The following MS4A4E variants were observed in gnomAD, a reference collection of about 807,000 sequenced individuals.
MS4A4E encodes putative membrane-spanning 4-domains subfamily A member 4E.
MS4A4E carries 23 observed loss-of-function variants against 13.3 expected under a neutral mutation model. The ratio of observed to expected loss-of-function variants is 1.73; its 90% CI spans 1.25 to 2.45. The LOEUF (loss-of-function observed/expected upper bound fraction) is 2.45, where lower values mean the gene tolerates loss of function less well. MS4A4E is among the 30% of genes most tolerant of loss of function. MS4A4E has a pLI of 0.00. For synonymous variants in MS4A4E, 36 were observed against 45.6 expected (o/e 0.79, Z 0.85); for missense variants, 144 against 131.2 (o/e 1.10, Z -0.48).
intron 1 of MS4A4E, among the ~76,000 whole-genome samples, chr11:60,232,267 C>G (rs917562620): frequency 5.5e-5 from 6 of 109,790 alleles, no homozygotes; most frequent in African/African-American, 1.9e-4. Flanking sequence ...TTAGAAGTTA[C>G]TAACCTCATC....
rs1279038518 is a variant in MS4A4E at position 60,200,441 on chromosome 11, TC to T, written c.*1101del. Reference sequence around the variant, plus strand: ...TCCTAGGCAGAGGACCCTGCGGCCTTCCGAGGTGTTTGTGTCCCTGGGTACT... The same window carrying T: ...TCCTAGGCAGAGGACCCTGCGGCCTTCGAGGTGTTTGTGTCCCTGGGTACT... On this transcript the variant is annotated 3_prime_UTR_variant, in exon 9 of 9. Transcript: ENST00000651255. Among the ~76,000 whole-genome samples, 1 of 152,088 alleles carries T rather than the reference TC, an allele frequency of 6.6e-6. No individual in the cohort carries two copies. The highest frequency in any genetic ancestry group is 1.5e-5 in the Non-Finnish European group (1 of 68,008).
At chr11:60,223,581 C>G (rs1325425002) in intron 3 of MS4A4E, among the ~76,000 whole-genome samples, 1 of 151,984 alleles carries the variant, frequency 6.6e-6, no homozygotes, top group Non-Finnish European at 1.5e-5. Flanking sequence ...GAAGGGGTTG[C>G]CAAGGGAGAT....
chr11:60,226,098 A>G (rs1176019918), intron 3 of MS4A4E, among the ~76,000 whole-genome samples: 2 of 151,832 alleles, frequency 1.3e-5, no homozygotes, highest in South Asian at 2.1e-4. Context: ...AATTCACACA[A>G]GAAGAAATAG....
chr11:60,225,882 G>T (rs2084334799), intron 3 of MS4A4E, among the ~76,000 whole-genome samples: 2 of 150,266 alleles, frequency 1.3e-5, no homozygotes, highest in African/African-American at 2.4e-5. Context: ...TTAAAAAAAA[G>T]AAAAATACAT....
chr11:60,232,050 GA>G (rs1458407028), intron 1 of MS4A4E, among the ~76,000 whole-genome samples: 1 of 151,892 alleles, frequency 6.6e-6, no homozygotes, highest in East Asian at 1.9e-4. Flanking sequence ...AATGTTGACA[GA>G]AAAAATTTTG....
chr11:60,225,174 C>A (rs896718184), intron 3 of MS4A4E: 2 of 1,302,948 alleles, frequency 1.5e-6, no homozygotes, highest in Non-Finnish European at 2.0e-6. Context: ...ACTAAGCTAT[C>A]CTTATTCTTT....
At chr11:60,204,176 T>C (rs971725143) in intron 8 of MS4A4E, among the ~76,000 whole-genome samples, 1 of 152,212 alleles carries the variant, frequency 6.6e-6, no homozygotes, top group African/African-American at 2.4e-5. Flanking sequence ...AATCAGGAGA[T>C]GTAAGGACTT....
intron 2 of MS4A4E, 97 bp downstream of exon 2, chr11:60,229,815 A>G: frequency 1.6e-6 from 2 of 1,260,632 alleles, no homozygotes; most frequent in South Asian, 1.5e-5. Context: ...TGGTTGATGT[A>G]TTATGAGGCT....
At chr11:60,238,692 C>A (rs1352907726) in intron 1 of MS4A4E, among the ~76,000 whole-genome samples, 1 of 152,086 alleles carries the variant, frequency 6.6e-6, no homozygotes, top group African/African-American at 2.4e-5. Flanking sequence ...TTCTTTTCTA[C>A]AAGTTGTTTC....
chr11:60,233,900 C>T (rs1013129889), intron 1 of MS4A4E, among the ~76,000 whole-genome samples: 1 of 152,206 alleles, frequency 6.6e-6, no homozygotes, highest in African/African-American at 2.4e-5. Context: ...GAAGCACGGA[C>T]TGAGTCCAGC....
At position 60,202,535 on chromosome 11, in the gene MS4A4E, A is replaced by C. The variant is rs138439596; in HGVS notation, c.660-656T>G. Among the ~76,000 whole-genome samples, 129 of 152,302 alleles carry C rather than the reference A, an allele frequency of 8.5e-4. 2 individuals are homozygous for C. The East Asian group carries it at 0.02, about 24-fold the overall frequency. On this transcript the variant is annotated intron_variant, in intron 8 of 8. Transcript: ENST00000651255. ...CCTACTATGTTTCTTCTGTCCTAAA[A>C]ATCCTCTCAGATAGCCAACTGAGAG...
chr11:60,210,505 T>A (rs2084107083), intron 5 of MS4A4E, among the ~76,000 whole-genome samples: 1 of 152,236 alleles, frequency 6.6e-6, no homozygotes, highest in Non-Finnish European at 1.5e-5. Flanking sequence ...CTAGGTTAAG[T>A]ATAGTTGATC....
chr11:60,204,322 G>A lies in MS4A4E; in HGVS notation c.659+568C>T, dbSNP rs670139. Among the ~76,000 whole-genome samples the A allele has an allele frequency of 2.8e-4, 42 of 151,994 alleles. No homozygotes were observed. The South Asian group carries it at 5.0e-3, about 18-fold the overall frequency. On this transcript the variant is annotated intron_variant, in intron 8 of 8. Transcript: ENST00000651255. Reference sequence around the variant, plus strand: ...AACGTCAGGGATTGGCCCAACTTGAGGTAAACTTTGACTTGGAGATGCAAA... The same window carrying A: ...AACGTCAGGGATTGGCCCAACTTGAAGTAAACTTTGACTTGGAGATGCAAA...
chr11:60,224,853 C>T, intron 3 of MS4A4E: 1 of 923,514 alleles, frequency 1.1e-6, no homozygotes, highest in Non-Finnish European at 1.5e-6. Flanking sequence ...GGTTAGATAC[C>T]ATTCTCAAAT....
chr11:60,232,934 C>T (rs1318708759), intron 1 of MS4A4E, among the ~76,000 whole-genome samples: 3 of 152,188 alleles, frequency 2.0e-5, no homozygotes, highest in Admixed American at 1.3e-4. Flanking sequence ...TGCACCCTGC[C>T]CCTCCAAACT....
intron 8 of MS4A4E, among the ~76,000 whole-genome samples, chr11:60,203,929 T>C (rs2084011980): frequency 6.6e-6 from 1 of 152,214 alleles, no homozygotes; most frequent in Non-Finnish European, 1.5e-5. Flanking sequence ...TGAGGCAGCC[T>C]TCTCTACAAG....
At chr11:60,217,632 A>G (rs773943508) in intron 3 of MS4A4E, among the ~76,000 whole-genome samples, 1 of 152,218 alleles carries the variant, frequency 6.6e-6, no homozygotes, top group Non-Finnish European at 1.5e-5. Flanking sequence ...ATGGACATTT[A>G]TGAGTTCCCC....
intron 3 of MS4A4E, among the ~76,000 whole-genome samples, chr11:60,214,923 T>C (rs2084171612): frequency 6.6e-6 from 1 of 152,196 alleles, no homozygotes; most frequent in Non-Finnish European, 1.5e-5. Flanking sequence ...GTAATTCTTA[T>C]ATGGTATTAA....
rs2083994243 is a variant in MS4A4E at position 60,201,838 on chromosome 11, C to G, written c.701G>C (p.Trp234Ser). 2 of 218,888 alleles carry G rather than the reference C, an allele frequency of 9.1e-6. No individual in the cohort carries two copies. Among genetic ancestry groups the G allele is most frequent in the African/African-American group, 2.4e-5 (1 of 42,000 alleles). 13.6% of individuals were successfully genotyped at this position (218,888 alleles called of 1,614,324 possible). A position where few individuals can be genotyped will look rare whatever the true frequency, so the allele number is the denominator to read the frequency against. The change falls in exon 9 of 9, where the codon TGG becomes TCG. Residue 234 changes from tryptophan (W) to serine (S), a missense_variant. Coordinates refer to ENST00000651255, the MANE Select transcript of MS4A4E (RefSeq NM_001393391.1). ...VLNGAQAGVQ[W>S]RDLGSLQPPP... is the part of the protein sequence containing the mutation. The stretch of plus-strand genomic sequence containing the variant: ...AGGTTGTAGGGAGCCGAGATCACGC[C>G]ACTGCACTCCAGCCTGGGCACCATT...
Sources: gnomAD v4.1 joint callset for allele counts (sites outside exome capture counted in the v4.1 genomes callset) on GRCh38, gnomAD v4.1.1 for gene constraint, MANE v1.5 for transcripts, NCBI Gene and HGNC (gene_info 2026-07-23, HGNC 2026-07-21) for gene names.